LAMA2: variants seen among roughly 807,000 people sequenced by gnomAD.
LAMA2 encodes the protein laminin subunit alpha 2.
A neutral mutation model predicts 364.8 loss-of-function variants in LAMA2; 269 were observed. That is an observed-to-expected ratio of 0.74 (90% CI 0.67 to 0.82). The LOEUF is 0.82. Among genes scored for constraint, LAMA2 ranks in the 40% least tolerant of loss-of-function variants. The probability of loss-of-function intolerance (pLI) is 0.00; values close to 1 mark genes in which losing one functional copy is unlikely to be tolerated. For missense variants in LAMA2, 3,807 were observed against 3,873.2 expected, an observed-to-expected ratio of 0.98 and a Z score of 0.45; for synonymous variants, 1,379 against 1,370.6, an observed-to-expected ratio of 1.01 and a Z score of -0.14.
At chr6:129,154,758 A>C in intron 8 of LAMA2, 75 bp downstream of exon 8, 2 of 1,213,252 alleles carry the variant, frequency 1.6e-6, no homozygotes, top group Admixed American at 1.8e-5. Context: ...ACAAAAAAAT[A>C]ATAATTTTGA....
At chr6:129,028,384 A>C (rs1785982995) in intron 1 of LAMA2, among the ~76,000 whole-genome samples, 1 of 151,824 alleles carries the variant, frequency 6.6e-6, no homozygotes, top group Non-Finnish European at 1.5e-5. Context: ...ATTATTCAGC[A>C]AGTTTTCAAT....
chr6:129,375,648 A>G (rs1481838868), intron 34 of LAMA2, among the ~76,000 whole-genome samples: 1 of 152,056 alleles, frequency 6.6e-6, no homozygotes, highest in Non-Finnish European at 1.5e-5. Flanking sequence ...TCATCCCTTC[A>G]AAGTCGGTGT....
At chr6:129,432,945 C>T (rs1207446922) in intron 41 of LAMA2, among the ~76,000 whole-genome samples, 1 of 152,176 alleles carries the variant, frequency 6.6e-6, no homozygotes, top group Non-Finnish European at 1.5e-5. Flanking sequence ...GTGCTTATTG[C>T]GAACAAGATC....
intron 63 of LAMA2, among the ~76,000 whole-genome samples, chr6:129,513,723 C>T (rs1786792706): frequency 6.6e-6 from 1 of 152,124 alleles, no homozygotes. Context: ...TTCCACATTA[C>T]TAAAAACAGA....
At chr6:129,200,263 C>T (rs1782147998) in intron 12 of LAMA2, among the ~76,000 whole-genome samples, 1 of 128,590 alleles carries the variant, frequency 7.8e-6, no homozygotes, top group Non-Finnish European at 1.6e-5. Context: ...TACGTGTACA[C>T]ATATACATGT....
chr6:129,206,130 A>G (rs371862693), intron 12 of LAMA2, among the ~76,000 whole-genome samples: 2,036 of 127,960 alleles, frequency 0.016, 74 homozygotes, highest in East Asian at 0.092. Flanking sequence ...GGAAGGAAGG[A>G]AGGAAGGAAG....
At chr6:129,118,287 A>C (rs1776591296) in intron 4 of LAMA2, among the ~76,000 whole-genome samples, 1 of 152,226 alleles carries the variant, frequency 6.6e-6, no homozygotes, top group Admixed American at 6.5e-5. Context: ...AATAAAAAAC[A>C]AAAACTGGAT....
intron 2 of LAMA2, among the ~76,000 whole-genome samples, chr6:129,051,078 A>G (rs999107925): frequency 2.6e-5 from 4 of 151,950 alleles, no homozygotes; most frequent in African/African-American, 7.2e-5. Flanking sequence ...TGCTAAAGTC[A>G]TCTAAAGATT....
In LAMA2 at chr6:129,182,130, G is replaced by A. The variant is rs1054608205; in HGVS notation, c.1467+4264G>A. On this transcript the variant is annotated intron_variant, in intron 10 of 64. Coordinates refer to ENST00000421865, the MANE Select transcript of LAMA2 (RefSeq NM_000426.4). ...AAATGTAATAAAAATACTTAGAATA[G>A]CAAGAAAAACTTCATGATACCTAAA... Among the ~76,000 whole-genome samples the A allele has an allele frequency of 2.6e-5, 4 of 151,808 alleles. No individual in the cohort carries two copies. In the East Asian group the frequency reaches 5.8e-4, roughly 22 times the overall value.
intron 1 of LAMA2, chr6:128,929,771 A>C (rs1582702842): frequency 1.8e-6 from 2 of 1,092,284 alleles, no homozygotes; most frequent in South Asian, 2.5e-5. Context: ...AACGTGTAAA[A>C]CCACAACTGT....
chr6:129,449,161 G>A (rs1782538496), intron 45 of LAMA2, among the ~76,000 whole-genome samples: 1 of 152,192 alleles, frequency 6.6e-6, no homozygotes, highest in Admixed American at 6.5e-5. Flanking sequence ...ACAGAAAGCA[G>A]GTAATCCAAG....
At chr6:129,231,184 A>G (rs1192455202) in intron 12 of LAMA2, among the ~76,000 whole-genome samples, 1 of 152,116 alleles carries the variant, frequency 6.6e-6, no homozygotes, top group Admixed American at 6.6e-5. Context: ...TACTTATGCA[A>G]ATGCAAAAAT....
Position 129,098,399 on chromosome 6 carries a change from C to T in LAMA2, c.623C>T (p.Pro208Leu), listed in dbSNP as rs183890063. 6.2e-7 allele frequency: 1 copy of T among 1,613,756 alleles called. No individual in the cohort carries two copies. Among genetic ancestry groups the T allele is most frequent in the Admixed American group, 1.7e-5 (1 of 59,984 alleles). ...ACTTCATTTTACTCCAAGATACACC[C>T]CTTAGAAAATGGAGAGGTAAGATGA... ...ICTSFYSKIH[P>L]LENGEIHISL... Residue 208 changes from proline to leucine, a missense_variant, in exon 4 of 65, where the codon CCC becomes CTC. Pro to Leu is a moderately conservative substitution (Grantham distance 98, BLOSUM62 -3). This residue lies in a region of LAMA2 where 394 missense variants were observed against 403.5 expected (regional missense o/e 0.98). Transcript: ENST00000421865.
At chr6:129,440,398 C>G (rs72981124) in intron 42 of LAMA2, among the ~76,000 whole-genome samples, 21,454 of 151,840 alleles carry the variant, frequency 0.14, 2,022 homozygotes, top group Non-Finnish European at 0.21. Context: ...GAAAATGTTT[C>G]TCTATCCTAA....
Position 129,066,280 on chromosome 6 carries a change from C to T in LAMA2, c.396+6384C>T, listed in dbSNP as rs550922126. Reference sequence around the variant, plus strand: ...CGGGATGGTCTCGATCTCCTGACCTCGTGATCCGCCCGCCTCGGCCTCCCA... The same window carrying T: ...CGGGATGGTCTCGATCTCCTGACCTTGTGATCCGCCCGCCTCGGCCTCCCA... On this transcript the variant is annotated intron_variant, in intron 3 of 64. Transcript: ENST00000421865. Among the ~76,000 whole-genome samples, 4 of 151,126 alleles carry T rather than the reference C, an allele frequency of 2.6e-5. No individual in the cohort carries two copies. The East Asian group carries it at 5.9e-4, about 22-fold the overall frequency.
rs374822767 is a variant in LAMA2 at position 129,353,117 on chromosome 6, C to T, written c.4524-47C>T. 18 of 1,440,938 alleles carry T rather than the reference C, an allele frequency of 1.2e-5. No individual in the cohort carries two copies. The African/African-American group carries it at 1.8e-4, about 15-fold the overall frequency. The allele number at this position is 1,440,938 out of a possible 1,614,324, so 89.3% of individuals were successfully genotyped here. A position where few individuals can be genotyped will look rare whatever the true frequency, so the allele number is the denominator to read the frequency against. ...AAGACCACACACAACAATGTGGAGA[C>T]ATGACTTGCTATTAACCTCTTTTGC... is the stretch of plus-strand genomic sequence containing the variant. On this transcript the variant is annotated intron_variant, in intron 31 of 64. Coordinates refer to ENST00000421865, the MANE Select transcript of LAMA2 (RefSeq NM_000426.4).
intron 1 of LAMA2, among the ~76,000 whole-genome samples, chr6:128,996,602 C>T (rs769939576): frequency 3.0e-4 from 46 of 152,038 alleles, no homozygotes; most frequent in Non-Finnish European, 6.0e-4. Context: ...GTTAGAATGG[C>T]GATCATTAAA....
intron 1 of LAMA2, among the ~76,000 whole-genome samples, chr6:129,009,821 T>C (rs1784656422): frequency 6.6e-6 from 1 of 152,176 alleles, no homozygotes; most frequent in South Asian, 2.1e-4. Context: ...ACGTAACTCA[T>C]AAAATGCATG....
chr6:129,384,252 C>T (rs1778853783), intron 35 of LAMA2, among the ~76,000 whole-genome samples: 2 of 152,130 alleles, frequency 1.3e-5, no homozygotes, highest in South Asian at 4.1e-4. Flanking sequence ...TGTACTTTCC[C>T]TAGTATTATT....
Sources: allele counts gnomAD v4.1 joint callset (sites outside exome capture counted in the v4.1 genomes callset), GRCh38; gene constraint gnomAD v4.1.1; regional missense constraint gnomAD v4.1.1; transcripts MANE v1.5; gene names NCBI Gene and HGNC (gene_info 2026-07-23, HGNC 2026-07-21).